The following LY9 variants were observed in gnomAD, a reference collection of about 807,000 sequenced individuals.
LY9 encodes the protein lymphocyte antigen 9, also known as T-lymphocyte surface antigen Ly-9.
A neutral mutation model predicts 64.6 loss-of-function variants in LY9; 59 were observed. The observed-to-expected ratio is 0.91, with a 90% confidence interval of 0.74 to 1.13. The LOEUF (loss-of-function observed/expected upper bound fraction) is 1.13, where lower values mean the gene tolerates loss of function less well. LY9 is among the 50% of genes most tolerant of loss of function. The pLI is 0.00. For missense variants in LY9, 789 were observed against 797.2 expected (o/e 0.99, Z 0.12); for synonymous variants, 281 against 308.5 (o/e 0.91, Z 0.93).
chr1:160,800,124 T>C (rs1411424726), intron 2 of LY9, 42 bp downstream of exon 2: 5 of 1,506,398 alleles, frequency 3.3e-6, no homozygotes, highest in Non-Finnish European at 4.5e-6. Flanking sequence ...TTTTCTTTTT[T>C]TTATTTGTGC....
At position 160,819,457 on chromosome 1, in the gene LY9, T is replaced by C. The variant is rs2101818801; in HGVS notation, c.1498+83T>C. ...TCTTGCTGCTCAAAGTGTGGTCTGCTGGCCAGCAGTGTGGGCATCACCCAG... is the reference window on the plus strand; with the variant it reads ...TCTTGCTGCTCAAAGTGTGGTCTGCCGGCCAGCAGTGTGGGCATCACCCAG... On this transcript the variant is annotated intron_variant, in intron 7 of 9. Transcript: ENST00000263285. 3 of 1,226,206 alleles carry C rather than the reference T, an allele frequency of 2.4e-6. No individual in the cohort carries two copies. The East Asian group carries it at 7.1e-5, about 29-fold the overall frequency. 76.0% of individuals were successfully genotyped at this position (1,226,206 alleles called of 1,614,324 possible). A position where few individuals can be genotyped will look rare whatever the true frequency, so the allele number is the denominator to read the frequency against.
intron 7 of LY9, among the ~76,000 whole-genome samples, chr1:160,822,357 G>A (rs1051237290): frequency 3.9e-5 from 6 of 152,144 alleles, no homozygotes; most frequent in Admixed American, 1.3e-4. Flanking sequence ...TGACGTTTAC[G>A]TAGTGCCTGG....
At chr1:160,820,498 C>G (rs965541012) in intron 7 of LY9, among the ~76,000 whole-genome samples, 1 of 152,194 alleles carries the variant, frequency 6.6e-6, no homozygotes, top group Non-Finnish European at 1.5e-5. Flanking sequence ...AGAGGCAGGA[C>G]TGGGCAGGGA....
chr1:160,824,522 A>G, intron 9 of LY9: 5 of 985,232 alleles, frequency 5.1e-6, no homozygotes, highest in Non-Finnish European at 6.0e-6. Flanking sequence ...ATACACTCAA[A>G]CAAGGTAGGG....
Position 160,823,625 on chromosome 1 carries a change from C to A in LY9, c.1659C>A (p.His553Gln). ...TEEDEDRPEVHKPISGRYEVF... is the reference protein window; with the variant it reads ...TEEDEDRPEVQKPISGRYEVF... ...AGGATGAGGACAGGCCTGAGGTGCACAAGCCCATCAGTGGAAGATATGAGG... is the reference window on the plus strand; with the variant it reads ...AGGATGAGGACAGGCCTGAGGTGCAAAAGCCCATCAGTGGAAGATATGAGG... The change falls in exon 8 of 10, where the codon CAC becomes CAA. Residue 553 changes from histidine to glutamine, a missense_variant. Coordinates refer to ENST00000263285, the MANE Select transcript of LY9 (RefSeq NM_002348.4). The A allele has an allele frequency of 1.2e-6, 2 of 1,614,162 alleles. No homozygotes were observed. The highest frequency in any genetic ancestry group is 8.5e-7 in the Non-Finnish European group (1 of 1,180,006).
intron 9 of LY9, chr1:160,824,718 A>G (rs536741892): frequency 2.0e-5 from 19 of 929,528 alleles, no homozygotes; most frequent in East Asian, 1.2e-4. Flanking sequence ...GGTGGCTCAT[A>G]CCTGTAATCC....
intron 1 of LY9, 27 bp from the exon 2 acceptor site, chr1:160,799,726 C>T: frequency 6.7e-7 from 1 of 1,501,750 alleles, no homozygotes; most frequent in Middle Eastern, 1.7e-4. Flanking sequence ...CTAGCTGCTC[C>T]TCCAAGTCCC....
chr1:160,824,331 G>A, intron 9 of LY9, 82 bp downstream of exon 9: 2 of 1,581,522 alleles, frequency 1.3e-6, no homozygotes, highest in Non-Finnish European at 1.7e-6. Context: ...GAAAATCCGA[G>A]ATTCCCATGG....
At chr1:160,797,337 A>G (rs1322517808) in intron 1 of LY9, 1 of 955,942 alleles carries the variant, frequency 1.0e-6, no homozygotes, top group Non-Finnish European at 1.2e-6. Context: ...GAGCTTTAGA[A>G]ACACTCCTAG....
At chr1:160,802,975 T>C (rs193105614) in intron 2 of LY9, among the ~76,000 whole-genome samples, 67 of 152,284 alleles carry the variant, frequency 4.4e-4, no homozygotes, top group African/African-American at 1.4e-3. Context: ...TGTGCTTCCG[T>C]ATATATTTTA....
chr1:160,821,998 G>A (rs1047027367), intron 7 of LY9, among the ~76,000 whole-genome samples: 2 of 152,160 alleles, frequency 1.3e-5, no homozygotes, highest in Non-Finnish European at 2.9e-5. Context: ...GTTTTAGGCA[G>A]ACTAAATAAA....
At chr1:160,802,437 C>T in intron 2 of LY9, 3 of 986,288 alleles carry the variant, frequency 3.0e-6, no homozygotes, top group South Asian at 4.7e-5. Flanking sequence ...AGCTGGGATC[C>T]CCGGGATGCA....
chr1:160,816,185 G>A (rs747327379), intron 4 of LY9, among the ~76,000 whole-genome samples: 8 of 152,108 alleles, frequency 5.3e-5, no homozygotes, highest in Non-Finnish European at 1.2e-4. Flanking sequence ...CAGGTACAGC[G>A]CTCACCTCTC....
At chr1:160,816,553 G>A (rs1667962072) in intron 4 of LY9, 41 bp from the exon 5 acceptor site, 1 of 1,543,934 alleles carries the variant, frequency 6.5e-7, no homozygotes, top group Non-Finnish European at 8.8e-7. Context: ...TGCTCAGGGG[G>A]CAGGCCTGAT....
intron 2 of LY9, among the ~76,000 whole-genome samples, chr1:160,805,853 C>T (rs1666940477): frequency 6.8e-6 from 1 of 147,780 alleles, no homozygotes; most frequent in Admixed American, 6.7e-5. Flanking sequence ...GGTGCATATA[C>T]ATTTAGAGTT....
intron 2 of LY9, chr1:160,812,563 T>C (rs934900622): frequency 1.3e-5 from 2 of 152,190 alleles, no homozygotes; most frequent in Non-Finnish European, 2.9e-5. Context: ...ATTTCCAAGA[T>C]ATATTGTTAA....
intron 2 of LY9, among the ~76,000 whole-genome samples, chr1:160,808,957 A>C (rs1667225490): frequency 6.6e-6 from 1 of 152,224 alleles, no homozygotes; most frequent in African/African-American, 2.4e-5. Context: ...ACACACCCGT[A>C]AATTCCTTAC....
rs936985375 is a variant in LY9 at position 160,816,598 on chromosome 1, G to C, written c.1077G>C (p.Arg359Ser). Residue 359 changes from arginine (R) to serine (S), a missense_variant, in exon 5 of 10, where the codon AGG becomes AGC. Transcript: ENST00000263285. Reference protein sequence around the residue: ...MTHVTLLIYRRLRKPKITWSL... With the variant: ...MTHVTLLIYRSLRKPKITWSL... ...AGTCTGCCTCTCTCCTCACAGGCAG[G>C]CTGAGGAAGCCCAAAATCACGTGGA... 2 of 1,595,880 alleles carry C rather than the reference G, an allele frequency of 1.3e-6. No homozygotes were observed. Among genetic ancestry groups the C allele is most frequent in the Admixed American group, 1.8e-5 (1 of 57,130 alleles).
chr1:160,814,604 C>T lies in LY9; in HGVS notation c.915C>T (p.Ser305=). The change falls in exon 4 of 10, where the codon TCC becomes TCT. Residue 305 remains serine (S), a synonymous_variant. Transcript: ENST00000263285. Reference sequence around the variant, plus strand: ...CAACGGCAGATCCACTCATTAAATCCAGGGATCCTTACAAGAACAGGGTGT... The same window carrying T: ...CAACGGCAGATCCACTCATTAAATCTAGGGATCCTTACAAGAACAGGGTGT... ...EAATADPLIK[S]RDPYKNRVWV... 1 of 1,614,180 alleles carries T rather than the reference C, an allele frequency of 6.2e-7. No homozygotes were observed. The highest frequency in any genetic ancestry group is 8.5e-7 in the Non-Finnish European group (1 of 1,180,020).
Sources: allele counts gnomAD v4.1 joint callset (sites outside exome capture counted in the v4.1 genomes callset), GRCh38; gene constraint gnomAD v4.1.1; transcripts MANE v1.5; gene names NCBI Gene and HGNC (gene_info 2026-07-23, HGNC 2026-07-21).